Variants in WNT7B observed in about 807,000 individuals in gnomAD.
WNT7B encodes protein Wnt-7b.
WNT7B carries 19 observed loss-of-function variants against 38.2 expected under a neutral mutation model. That is an observed-to-expected ratio of 0.50 (90% CI 0.35 to 0.73). The LOEUF is 0.73. WNT7B is among the 30% of genes least tolerant of loss of function. The pLI is 0.01. For synonymous variants in WNT7B, 243 were observed against 209.3 expected, an observed-to-expected ratio of 1.16 and a Z score of -1.39; for missense variants, 423 against 507.9, an observed-to-expected ratio of 0.83 and a Z score of 1.61.
At chr22:45,974,714 C>G (rs1446180998) in intron 1 of WNT7B, among the ~76,000 whole-genome samples, 2 of 152,158 alleles carry the variant, frequency 1.3e-5, no homozygotes, top group African/African-American at 2.4e-5. Flanking sequence ...ACTCTTACCC[C>G]CTCCCAGAGG....
At chr22:45,938,862 C>G (rs911452626) in intron 2 of WNT7B, among the ~76,000 whole-genome samples, 1 of 152,150 alleles carries the variant, frequency 6.6e-6, no homozygotes, top group African/African-American at 2.4e-5. Context: ...CATGTATCAA[C>G]ATATCACATG....
intron 1 of WNT7B, among the ~76,000 whole-genome samples, chr22:45,958,267 C>T (rs545302991): frequency 6.6e-6 from 1 of 152,374 alleles, no homozygotes; most frequent in East Asian, 1.9e-4. Context: ...TGGGGGCTCC[C>T]TCCTCCAACA....
rs74790361 is a variant in WNT7B, at chr22:45,951,641, T to C, written c.72-1495A>G. Among the ~76,000 whole-genome samples, 77,294 of 151,700 alleles carry C rather than the reference T, an allele frequency of 0.51. 21,134 individuals carry two copies. The highest frequency in any genetic ancestry group is 0.71 in the African/African-American group (29,337 of 41,340). On this transcript the variant is annotated intron_variant, in intron 1 of 3. Coordinates refer to ENST00000339464, the MANE Select transcript of WNT7B (RefSeq NM_058238.3). This position sits in a 1 kb window ranked among gnomAD's most constrained non-coding sequence, Gnocchi z 4.8. ...TTCCTATGGATGGAACCATTCATTG[T>C]GTGACCTTTGGCGTCTGGCTTCTTT...
At chr22:45,931,748 A>C (rs1230802407) in intron 2 of WNT7B, among the ~76,000 whole-genome samples, 2 of 152,060 alleles carry the variant, frequency 1.3e-5, no homozygotes, top group Admixed American at 6.5e-5. Flanking sequence ...GGACCTGTGG[A>C]GGGGGATGGG....
rs1931937963 is a variant in WNT7B at position 45,951,728 on chromosome 22, G to A, written c.72-1582C>T. Among the ~76,000 whole-genome samples the A allele has an allele frequency of 6.6e-6, 1 of 152,100 alleles. No individual in the cohort carries two copies. Among genetic ancestry groups the A allele is most frequent in the African/African-American group, 2.4e-5 (1 of 41,384 alleles). On this transcript the variant is annotated intron_variant, in intron 1 of 3. Transcript: ENST00000339464. This position sits in a 1 kb window ranked among gnomAD's most constrained non-coding sequence, Gnocchi z 4.8. ...TCACAGGTCAGTGCTTCATGCGTTT[G>A]TAAGGCTGAGTGATATTCCATTGTG...
chr22:45,939,230 CA>C (rs1201743441), intron 2 of WNT7B, among the ~76,000 whole-genome samples: 1 of 152,192 alleles, frequency 6.6e-6, no homozygotes, highest in Admixed American at 6.5e-5. Context: ...CAAAGTTGGG[CA>C]GCTCCTCAAA....
rs1932561990 is a variant in WNT7B at position 45,976,812 on chromosome 22, C to A, written c.-58G>T. The A allele has an allele frequency of 1.3e-6, 2 of 1,517,518 alleles. No individual in the cohort carries two copies. Among genetic ancestry groups the A allele is most frequent in the East Asian group, 5.3e-5 (2 of 38,092 alleles). 94.0% of individuals were successfully genotyped at this position (1,517,518 alleles called of 1,614,324 possible). A position where few individuals can be genotyped will look rare whatever the true frequency, so the allele number is the denominator to read the frequency against. ...GGCGGCCGGAGGGGACGCGCGGGCC[C>A]GGCAGGGCCGGGCAGGGGCCAGGGG... On this transcript the variant is annotated 5_prime_UTR_variant, in exon 1 of 4. Transcript: ENST00000339464. This position sits in a 1 kb window ranked among gnomAD's most constrained non-coding sequence, Gnocchi z 8.5.
intron 3 of WNT7B, among the ~76,000 whole-genome samples, chr22:45,929,672 CCTTCCCT>C (rs879442517): frequency 0.11 from 15,058 of 142,360 alleles, 846 homozygotes; most frequent in African/African-American, 0.14. Context: ...ACCCGCCCAT[CCTTCCCT>C]CCATACTTCC....
At chr22:45,950,412 C>T (rs564074821) in intron 1 of WNT7B, among the ~76,000 whole-genome samples, 105 of 152,362 alleles carry the variant, frequency 6.9e-4, no homozygotes, top group African/African-American at 2.4e-3. Flanking sequence ...TGGAGAATCA[C>T]GCAACCGCAA....
intron 1 of WNT7B, among the ~76,000 whole-genome samples, chr22:45,967,100 C>A (rs1232170264): frequency 6.6e-6 from 1 of 152,202 alleles, no homozygotes. Flanking sequence ...GGGGAGGGAG[C>A]GCACCTGTAC....
chr22:45,972,353 G>A (rs1008028091), intron 1 of WNT7B: 1 of 370,934 alleles, frequency 2.7e-6, no homozygotes, highest in African/African-American at 2.2e-5. Flanking sequence ...CTGGGCGCTA[G>A]GGGCCGGGTC....
intron 1 of WNT7B, among the ~76,000 whole-genome samples, chr22:45,957,104 C>CAAAAAAAAAAAAAAAAA (rs34329899): frequency 1.2e-5 from 1 of 80,706 alleles, no homozygotes; most frequent in Non-Finnish European, 2.5e-5. Context: ...GACTCTGTCT[C>CAAAAAAAAAAAAAAAAA]AAAAAAAAAA....
rs1377552070 is a variant in WNT7B, at chr22:45,931,397, GAGACCCC to G, written c.299-35_299-29del. 3.9e-6 allele frequency: 6 copies of G among 1,558,320 alleles called. No homozygotes were observed. In the African/African-American group the frequency reaches 4.1e-5, roughly 11 times the overall value. Reference sequence around the variant, plus strand: ...GCGGGGACAGACAGGTGCAGAAGGTGAGACCCCAGGCCCTGGGCCAGGTGGGCTCAGG... The same window carrying G: ...GCGGGGACAGACAGGTGCAGAAGGTGAGGCCCTGGGCCAGGTGGGCTCAGG... On this transcript the variant is annotated intron_variant, in intron 2 of 3. Transcript: ENST00000339464.
At chr22:45,974,298 C>T (rs1395236734) in intron 1 of WNT7B, among the ~76,000 whole-genome samples, 1 of 152,150 alleles carries the variant, frequency 6.6e-6, no homozygotes, top group African/African-American at 2.4e-5. Flanking sequence ...AACAGACAGC[C>T]CATTGGTCCC....
At chr22:45,928,852 CAT>C in intron 3 of WNT7B, among the ~76,000 whole-genome samples, 1 of 143,136 alleles carries the variant, frequency 7.0e-6, no homozygotes, top group Non-Finnish European at 1.6e-5. Context: ...CTGGTTTCCC[CAT>C]ACCGCATACC....
intron 2 of WNT7B, among the ~76,000 whole-genome samples, chr22:45,937,737 C>T (rs761534742): frequency 9.9e-5 from 15 of 152,248 alleles, no homozygotes; most frequent in African/African-American, 2.2e-4. Context: ...CCGGGCACAG[C>T]GGCTCACGCC....
intron 1 of WNT7B, chr22:45,972,208 G>A (rs1213632354): frequency 1.5e-6 from 1 of 648,430 alleles, no homozygotes; most frequent in Non-Finnish European, 2.8e-6. Flanking sequence ...AGACGGAGAC[G>A]AGCGCGCTGC....
At chr22:45,942,593 G>C (rs1327455837) in intron 2 of WNT7B, among the ~76,000 whole-genome samples, 1 of 152,242 alleles carries the variant, frequency 6.6e-6, no homozygotes, top group East Asian at 1.9e-4. Flanking sequence ...GGACCAGCCG[G>C]GGCCAAGGTG....
At chr22:45,933,079 C>A (rs779868164) in intron 2 of WNT7B, among the ~76,000 whole-genome samples, 3 of 152,158 alleles carry the variant, frequency 2.0e-5, no homozygotes, top group Non-Finnish European at 4.4e-5. Flanking sequence ...GGTGGGGGTC[C>A]CTCTTCCCCT....
Sources: allele counts gnomAD v4.1 joint callset (sites outside exome capture counted in the v4.1 genomes callset), GRCh38; gene constraint gnomAD v4.1.1; non-coding constraint Gnocchi (gnomAD v3.1); transcripts MANE v1.5; gene names NCBI Gene and HGNC (gene_info 2026-07-23, HGNC 2026-07-21).